Variants in CMYA5 observed in about 807,000 individuals in gnomAD.
CMYA5 encodes cardiomyopathy associated 5, also known as cardiomyopathy-associated protein 5.
In CMYA5, 246 loss-of-function variants were observed where a neutral mutation model predicts 318.9. The observed-to-expected ratio is 0.77, with a 90% CI of 0.70 to 0.86. The LOEUF (loss-of-function observed/expected upper bound fraction) is 0.86, where lower values mean the gene tolerates loss of function less well. Among genes scored for constraint, CMYA5 ranks in the 40% least tolerant of loss-of-function variants. The pLI, the probability that CMYA5 is intolerant of heterozygous loss-of-function variation, is 0.00. For missense variants in CMYA5, 4,589 were observed against 4,678.2 expected (o/e 0.98, Z 0.56); for synonymous variants, 1,641 against 1,729.5 (o/e 0.95, Z 1.27).
chr5:79,786,032 C>T (rs1267641875), intron 9 of CMYA5, among the ~76,000 whole-genome samples: 1 of 152,194 alleles, frequency 6.6e-6, no homozygotes, highest in South Asian at 2.1e-4. Context: ...ATCTCTCATT[C>T]GCAGAGCAGC....
At chr5:79,706,825 A>G (rs968716852) in intron 1 of CMYA5, among the ~76,000 whole-genome samples, 1 of 152,048 alleles carries the variant, frequency 6.6e-6, no homozygotes, top group African/African-American at 2.4e-5. Flanking sequence ...AATAATCAGG[A>G]GCATTTCATC....
chr5:79,737,724 A>G lies in CMYA5; in HGVS notation c.8959A>G (p.Lys2987Glu), dbSNP rs1302796413. 1.2e-6 allele frequency: 2 copies of G among 1,612,332 alleles called. No homozygotes were observed. The highest frequency in any genetic ancestry group is 2.2e-5 in the East Asian group (1 of 44,872). Residue 2987 changes from lysine (K) to glutamate (E), a missense_variant, in exon 2 of 13, where the codon AAA becomes GAA. Physicochemically the swap from Lys to Glu is moderately conservative, Grantham distance 56 (BLOSUM62 1). Around this residue, in one of 3 missense-constraint regions of CMYA5, gnomAD observed 2,431 missense variants for 2,495.1 expected, o/e 0.97. Transcript: ENST00000446378. ...ATATTTGGAAGAGAAAGCCTCATTT[A>G]AAACCATACCACTCCCTGATGATAG... ...LEYLEEKASFKTIPLPDDSET... is the reference protein window; with the variant it reads ...LEYLEEKASFETIPLPDDSET...
At chr5:79,706,382 A>G (rs1332336342) in intron 1 of CMYA5, among the ~76,000 whole-genome samples, 4 of 152,360 alleles carry the variant, frequency 2.6e-5, no homozygotes, top group South Asian at 4.1e-4. Flanking sequence ...GTCTTTCCAT[A>G]ACCTGTGATT....
At chr5:79,707,131 AG>A (rs1440520107) in intron 1 of CMYA5, among the ~76,000 whole-genome samples, 5 of 152,174 alleles carry the variant, frequency 3.3e-5, no homozygotes, top group Non-Finnish European at 5.9e-5. Flanking sequence ...CTTTCTAGTT[AG>A]TATTTGAATA....
At chr5:79,703,803 T>C (rs1827216975) in intron 1 of CMYA5, among the ~76,000 whole-genome samples, 1 of 152,190 alleles carries the variant, frequency 6.6e-6, no homozygotes, top group South Asian at 2.1e-4. Context: ...AGTCAAAAAA[T>C]ATTCTAGGGC....
At chr5:79,753,847 GT>G (rs1828478804) in intron 6 of CMYA5, among the ~76,000 whole-genome samples, 1 of 152,184 alleles carries the variant, frequency 6.6e-6, no homozygotes, top group African/African-American at 2.4e-5. Flanking sequence ...GTCTCAAAGT[GT>G]TTTCTTGTAA....
rs769814069 is a variant in CMYA5, at chr5:79,729,976, G to C, written c.1211G>C (p.Gly404Ala). 1 of 1,614,000 alleles carries C rather than the reference G, an allele frequency of 6.2e-7. No individual in the cohort carries two copies. The highest frequency in any genetic ancestry group is 1.1e-5 in the South Asian group (1 of 91,070). Reference sequence around the variant, plus strand: ...GAAGAATGTGAGCTTGCTTCACCAGGAACTGCAGCTTCAGAGAATGACTCT... The same window carrying C: ...GAAGAATGTGAGCTTGCTTCACCAGCAACTGCAGCTTCAGAGAATGACTCT... ...TKEECELASP[G>A]TAASENDSSV... The change falls in exon 2 of 13, where the codon GGA (glycine) becomes GCA (alanine). Residue 404 changes from glycine to alanine, a missense_variant. Transcript: ENST00000446378.
chr5:79,719,740 C>A (rs1293190522), intron 1 of CMYA5, among the ~76,000 whole-genome samples: 1 of 152,130 alleles, frequency 6.6e-6, no homozygotes, highest in African/African-American at 2.4e-5. Flanking sequence ...TATAAGCTCT[C>A]ATCTCACAAA....
At chr5:79,776,264 T>C (rs1431166709) in intron 9 of CMYA5, among the ~76,000 whole-genome samples, 1 of 152,186 alleles carries the variant, frequency 6.6e-6, no homozygotes, top group Non-Finnish European at 1.5e-5. Context: ...TCGAGTCTCA[T>C]AATATCATCA....
chr5:79,772,313 A>G (rs1279144101), intron 9 of CMYA5, among the ~76,000 whole-genome samples: 1 of 152,148 alleles, frequency 6.6e-6, no homozygotes, highest in Non-Finnish European at 1.5e-5. Flanking sequence ...GTTCTTTGCT[A>G]TTGAGTGGTT....
chr5:79,761,383 A>T (rs1828648492), intron 7 of CMYA5, among the ~76,000 whole-genome samples: 1 of 152,234 alleles, frequency 6.6e-6, no homozygotes, highest in Non-Finnish European at 1.5e-5. Context: ...TAATCTGTAA[A>T]GATGTTTAAA....
In CMYA5 at chr5:79,793,519, C is replaced by T. The variant is rs778558490; in HGVS notation, c.11872C>T (p.Arg3958Ter). ...ETTVTDCPAYRLGICSSSAVQ... is the reference protein window; with the variant it reads ...ETTVTDCPAY ...CACAGTCACAGACTGCCCAGCATAT[C>T]GACTCGGCATCTGCTCCAGCTCGGC... Residue 3958 changes from arginine (R) to a stop codon, truncating the protein, a stop_gained, in exon 12 of 13, where the codon CGA (arginine) becomes TGA (stop). Coordinates refer to ENST00000446378, the MANE Select transcript of CMYA5 (RefSeq NM_153610.5). LOFTEE classifies it high-confidence loss of function. 1.4e-5 allele frequency: 23 copies of T among 1,613,904 alleles called. No homozygotes were observed. The highest frequency in any genetic ancestry group is 4.5e-5 in the East Asian group (2 of 44,876).
intron 7 of CMYA5, among the ~76,000 whole-genome samples, chr5:79,760,037 CA>C (rs1252205213): frequency 6.6e-6 from 1 of 152,204 alleles, no homozygotes; most frequent in African/African-American, 2.4e-5. Context: ...GGGCAGGAGT[CA>C]AACACACATC....
intron 1 of CMYA5, among the ~76,000 whole-genome samples, chr5:79,714,392 G>A (rs1310733775): frequency 3.4e-5 from 5 of 146,990 alleles, no homozygotes; most frequent in Non-Finnish European, 7.5e-5. Context: ...GTTTAAAGAT[G>A]TCTTTCTCTG....
intron 1 of CMYA5, among the ~76,000 whole-genome samples, chr5:79,704,699 A>G (rs1044527832): frequency 1.2e-4 from 18 of 151,754 alleles, no homozygotes; most frequent in African/African-American, 4.1e-4. Context: ...GAGGGAGAGA[A>G]AGAGAGAGAA....
chr5:79,706,678 G>GCC (rs1264683521), intron 1 of CMYA5, among the ~76,000 whole-genome samples: 3 of 151,428 alleles, frequency 2.0e-5, no homozygotes, highest in South Asian at 2.1e-4. Context: ...AGGAATCTTG[G>GCC]TGATGTGAAA....
chr5:79,750,153 G>C (rs1359423642), intron 5 of CMYA5, among the ~76,000 whole-genome samples: 1 of 151,842 alleles, frequency 6.6e-6, no homozygotes, highest in Non-Finnish European at 1.5e-5. Context: ...AAGTTGAATT[G>C]TTTGATCTTT....
chr5:79,747,011 G>T, intron 4 of CMYA5, 80 bp from the exon 5 acceptor site: 3 of 864,288 alleles, frequency 3.5e-6, no homozygotes, highest in Admixed American at 2.4e-5. Flanking sequence ...TTTTCTTTCT[G>T]TTGTTAATTA....
intron 4 of CMYA5, among the ~76,000 whole-genome samples, chr5:79,745,832 C>G (rs1828311926): frequency 6.6e-6 from 1 of 152,258 alleles, no homozygotes; most frequent in South Asian, 2.1e-4. Context: ...CCTCTTCACT[C>G]TCTAAGCTGA....
Sources: gnomAD v4.1 joint callset for allele counts (sites outside exome capture counted in the v4.1 genomes callset) on GRCh38, gnomAD v4.1.1 for gene constraint, gnomAD v4.1.1 regional missense constraint, MANE v1.5 for transcripts, NCBI Gene and HGNC (gene_info 2026-07-23, HGNC 2026-07-21) for gene names.